STAT4: variants seen among roughly 807,000 people sequenced by gnomAD.
STAT4 encodes signal transducer and activator of transcription 4.
STAT4 carries 42 observed loss-of-function variants against 110.5 expected under a neutral mutation model. The observed-to-expected ratio is 0.38, with a 90% CI of 0.30 to 0.49. The LOEUF is 0.49. STAT4 is among the 20% of genes least tolerant of loss of function. The pLI is 0.95. For missense variants in STAT4, 632 were observed against 887.9 expected (o/e 0.71, Z 3.66); for synonymous variants, 284 against 302.2 (o/e 0.94, Z 0.63).
In STAT4 at chr2:191,135,691, C is replaced by A. The variant is rs1252936692; in HGVS notation, c.273+10922G>T. ...CCATGTTGGCTGCACTGGTCTCAAACTCCTGACCTCAGGTGGTCACCTGCC... is the reference window on the plus strand; with the variant it reads ...CCATGTTGGCTGCACTGGTCTCAAAATCCTGACCTCAGGTGGTCACCTGCC... On this transcript the variant is annotated intron_variant, in intron 3 of 23. Transcript: ENST00000392320. The surrounding 1 kb of genome is among the most constrained non-coding windows in gnomAD (Gnocchi z 4.8). 6.6e-6 allele frequency among the ~76,000 whole-genome samples: 1 copy of A among 152,208 alleles called. No individual in the cohort carries two copies. The highest frequency in any genetic ancestry group is 1.5e-5 in the Non-Finnish European group (1 of 68,036).
rs557043882 is a variant in STAT4 at position 191,037,135 on chromosome 2, A to G, written c.1435-836T>C. Among the ~76,000 whole-genome samples, 1 of 152,182 alleles carries G rather than the reference A, an allele frequency of 6.6e-6. No individual in the cohort carries two copies. Among genetic ancestry groups the G allele is most frequent in the East Asian group, 1.9e-4 (1 of 5,174 alleles). On this transcript the variant is annotated intron_variant, in intron 16 of 23. Coordinates refer to ENST00000392320, the MANE Select transcript of STAT4 (RefSeq NM_003151.4). This position sits in a 1 kb window ranked among gnomAD's most constrained non-coding sequence, Gnocchi z 4.8. Reference sequence around the variant, plus strand: ...AATATTCATCCTAAACAAAACTTATATCATATTATTTAATTGGTTTATCGT... The same window carrying G: ...AATATTCATCCTAAACAAAACTTATGTCATATTATTTAATTGGTTTATCGT...
intron 14 of STAT4, among the ~76,000 whole-genome samples, chr2:191,045,255 T>G (rs985055522): frequency 6.6e-6 from 1 of 152,126 alleles, no homozygotes; most frequent in African/African-American, 2.4e-5. Flanking sequence ...CTGATGAAAT[T>G]TTATAGTAGG....
intron 4 of STAT4, among the ~76,000 whole-genome samples, chr2:191,073,685 G>A (rs545933701): frequency 0.022 from 2,183 of 98,078 alleles, 50 homozygotes; most frequent in African/African-American, 0.057. Context: ...GCGAGACTCC[G>A]TCTCAAACAA....
At chr2:191,125,515 C>A (rs1348650874) in intron 3 of STAT4, among the ~76,000 whole-genome samples, 1 of 47,008 alleles carries the variant, frequency 2.1e-5, no homozygotes, top group Non-Finnish European at 5.4e-5. Context: ...TGAGACAGGG[C>A]CTTGCTCTGT....
chr2:191,130,515 C>T (rs1203271142), intron 3 of STAT4, among the ~76,000 whole-genome samples: 1 of 151,684 alleles, frequency 6.6e-6, no homozygotes, highest in Non-Finnish European at 1.5e-5. Flanking sequence ...AGCCACGGCG[C>T]TTGGCCTATC....
chr2:191,074,619 G>T (rs1697260021), intron 4 of STAT4, among the ~76,000 whole-genome samples: 1 of 151,670 alleles, frequency 6.6e-6, no homozygotes, highest in African/African-American at 2.4e-5. Flanking sequence ...ATATAAGAAG[G>T]GTTCAAAAAA....
chr2:191,094,937 A>C (rs974323217), intron 3 of STAT4, among the ~76,000 whole-genome samples: 2 of 151,176 alleles, frequency 1.3e-5, no homozygotes, highest in African/African-American at 4.8e-5. Context: ...AAAAAAAAAA[A>C]AGTAGGGGTT....
intron 3 of STAT4, among the ~76,000 whole-genome samples, chr2:191,119,350 T>G (rs917028915): frequency 2.0e-5 from 3 of 152,142 alleles, no homozygotes; most frequent in Non-Finnish European, 2.9e-5. Context: ...TTATGGCACT[T>G]TAAAATAATT....
intron 5 of STAT4, among the ~76,000 whole-genome samples, chr2:191,070,259 G>A (rs558708628): frequency 1.3e-5 from 2 of 151,904 alleles, no homozygotes; most frequent in Non-Finnish European, 2.9e-5. Context: ...TGTGTCTCCC[G>A]TTATTCTGTC....
chr2:191,150,693 C>A lies in STAT4; in HGVS notation c.-2+254G>T, dbSNP rs982403476. On this transcript the variant is annotated intron_variant, in intron 1 of 23. Transcript: ENST00000392320. The surrounding 1 kb of genome is among the most constrained non-coding windows in gnomAD (Gnocchi z 6.4). ...ACACACCTCCGCAGCCGCCGCAGCT[C>A]CCCTGGCCCCCGCAGGGAGATTCGC... Among the ~76,000 whole-genome samples the A allele has an allele frequency of 6.6e-6, 1 of 152,216 alleles. No individual in the cohort carries two copies. The highest frequency in any genetic ancestry group is 2.1e-4 in the South Asian group (1 of 4,834).
chr2:191,090,205 C>G lies in STAT4; in HGVS notation c.274-13880G>C, dbSNP rs907643168. Among the ~76,000 whole-genome samples the G allele has an allele frequency of 2.0e-5, 3 of 152,064 alleles. No individual in the cohort carries two copies. Among genetic ancestry groups the G allele is most frequent in the African/African-American group, 7.2e-5 (3 of 41,434 alleles). ...TCTCTGTACTTTTTGCTCAATTTTT[C>G]TGTAAACCAAAGATTGCTCTAAAAA... is the stretch of plus-strand genomic sequence containing the variant. On this transcript the variant is annotated intron_variant, in intron 3 of 23. Coordinates refer to ENST00000392320, the MANE Select transcript of STAT4 (RefSeq NM_003151.4). This position sits in a 1 kb window ranked among gnomAD's most constrained non-coding sequence, Gnocchi z 4.2.
At chr2:191,103,503 G>A (rs1280158569) in intron 3 of STAT4, among the ~76,000 whole-genome samples, 1 of 151,996 alleles carries the variant, frequency 6.6e-6, no homozygotes, top group African/African-American at 2.4e-5. Flanking sequence ...CAGGCACTGT[G>A]GCAGAAAAAG....
Position 191,083,414 on chromosome 2 carries a change from T to C in STAT4, c.274-7089A>G, listed in dbSNP as rs375510169. On this transcript the variant is annotated intron_variant, in intron 3 of 23. Transcript: ENST00000392320. The surrounding 1 kb of genome is among the most constrained non-coding windows in gnomAD (Gnocchi z 4.6). ...ATGAAAAAAGATGGGATACTGGCCGTTGGATTTCTACTTGACTAAACTAAA... is the reference window on the plus strand; with the variant it reads ...ATGAAAAAAGATGGGATACTGGCCGCTGGATTTCTACTTGACTAAACTAAA... Among the ~76,000 whole-genome samples the C allele has an allele frequency of 3.9e-5, 6 of 152,262 alleles. No homozygotes were observed. The East Asian group carries it at 5.8e-4, about 15-fold the overall frequency.
chr2:191,108,804 G>A (rs1214197629), intron 3 of STAT4, among the ~76,000 whole-genome samples: 2 of 152,164 alleles, frequency 1.3e-5, no homozygotes, highest in African/African-American at 4.8e-5. Flanking sequence ...TTCCCTAATG[G>A]AAACCTCCCT....
rs1696955859 is a variant in STAT4 at position 191,065,206 on chromosome 2, A to C, written c.631-248T>G. Among the ~76,000 whole-genome samples the C allele has an allele frequency of 3.3e-5, 5 of 152,352 alleles. 1 individual carries two copies. The highest frequency in any genetic ancestry group is 1.2e-4 in the African/African-American group (5 of 41,586). On this transcript the variant is annotated intron_variant, in intron 7 of 23. Transcript: ENST00000392320. ...ATCGTGTTTCAGTATAAATATATTG[A>C]ATGTGTAACTCCTGCGGCAACAATA...
chr2:191,088,157 T>C (rs1697688303), intron 3 of STAT4, among the ~76,000 whole-genome samples: 1 of 152,136 alleles, frequency 6.6e-6, no homozygotes, highest in African/African-American at 2.4e-5. Context: ...ACTGTCTATA[T>C]AGAAAATCCC....
At chr2:191,094,869 A>T (rs1375036311) in intron 3 of STAT4, among the ~76,000 whole-genome samples, 1 of 145,066 alleles carries the variant, frequency 6.9e-6, no homozygotes, top group Non-Finnish European at 1.5e-5. Flanking sequence ...AGACACATAC[A>T]GGCTCAAAAT....
chr2:191,131,614 G>A (rs1699039068), intron 3 of STAT4: 7 of 491,512 alleles, frequency 1.4e-5, no homozygotes, highest in Admixed American at 9.0e-5. Flanking sequence ...TGCTCCAGGC[G>A]GAAAGAGAGC....
At chr2:191,124,031 C>G (rs370524979) in intron 3 of STAT4, among the ~76,000 whole-genome samples, 3 of 152,174 alleles carry the variant, frequency 2.0e-5, no homozygotes, top group Non-Finnish European at 4.4e-5. Context: ...ATCTTAAAAT[C>G]TAAATTGCTC....
Sources: allele counts gnomAD v4.1 joint callset (sites outside exome capture counted in the v4.1 genomes callset), GRCh38; gene constraint gnomAD v4.1.1; non-coding constraint Gnocchi (gnomAD v3.1); transcripts MANE v1.5; gene names NCBI Gene and HGNC (gene_info 2026-07-23, HGNC 2026-07-21).